HSD17B7: variants seen among roughly 807,000 people sequenced by gnomAD.
HSD17B7 encodes the protein 3-keto-steroid reductase/17-beta-hydroxysteroid dehydrogenase 7.
Under a neutral mutation model 34.1 loss-of-function variants are expected in HSD17B7, and 17 were observed. The observed-to-expected ratio is 0.50, with a 90% CI of 0.34 to 0.75. The LOEUF (loss-of-function observed/expected upper bound fraction) is 0.75, where lower values mean the gene tolerates loss of function less well. Ranked by LOEUF, HSD17B7 falls within the 30% of genes least tolerant of loss-of-function variation. The probability of loss-of-function intolerance (pLI) is 0.01; values close to 1 mark genes in which losing one functional copy is unlikely to be tolerated. For synonymous variants in HSD17B7, 122 were observed against 154.6 expected (o/e 0.79, Z 1.56); for missense variants, 296 against 406.6 (o/e 0.73, Z 2.34).
At chr1:162,807,678 A>G (rs1220876418) in intron 8 of HSD17B7, among the ~76,000 whole-genome samples, 1 of 152,114 alleles carries the variant, frequency 6.6e-6, no homozygotes, top group Non-Finnish European at 1.5e-5. Flanking sequence ...AACTGGTGTG[A>G]GATGGTATCT....
At chr1:162,795,225 A>G (rs894212127) in intron 2 of HSD17B7, among the ~76,000 whole-genome samples, 5 of 152,202 alleles carry the variant, frequency 3.3e-5, no homozygotes, top group African/African-American at 1.2e-4. Context: ...GAGCTTGAGA[A>G]TCCCTTCTAA....
intron 2 of HSD17B7, 55 bp downstream of exon 2, chr1:162,792,917 TAATA>T: frequency 6.5e-7 from 1 of 1,548,350 alleles, no homozygotes. Flanking sequence ...GCATAACACT[TAATA>T]AAATAAGAGA....
At chr1:162,812,245 C>G in intron 8 of HSD17B7, 53 bp from the exon 9 acceptor site, 2 of 1,578,570 alleles carry the variant, frequency 1.3e-6, no homozygotes, top group Non-Finnish European at 1.7e-6. Flanking sequence ...TATACAAATA[C>G]TATTCATCTT....
intron 2 of HSD17B7, 187 bp downstream of exon 2, chr1:162,793,049 A>G (rs1245986531): frequency 4.1e-6 from 1 of 246,742 alleles, no homozygotes; most frequent in South Asian, 2.9e-5. Flanking sequence ...TTTTTTTTTT[A>G]AAGAGATGGA....
At chr1:162,799,525 C>G (rs1367330223) in intron 4 of HSD17B7, 1 of 421,076 alleles carries the variant, frequency 2.4e-6, no homozygotes, top group African/African-American at 2.0e-5. Context: ...TAAACCCTCT[C>G]TGCTGATAGA....
At position 162,798,185 on chromosome 1, in the gene HSD17B7, C is replaced by T. The variant is rs541487131; in HGVS notation, c.447+269C>T. On this transcript the variant is annotated intron_variant, in intron 4 of 8. Coordinates refer to ENST00000254521, the MANE Select transcript of HSD17B7 (RefSeq NM_016371.4). ...CAGAGACTTTCTGTATGCCCTACAC[C>T]CAGTTTCCCCATTATTAACATTTCG... 6 of 487,678 alleles carry T rather than the reference C, an allele frequency of 1.2e-5. No individual in the cohort carries two copies. In the South Asian group the frequency reaches 2.9e-4, roughly 23 times the overall value. The allele number at this position is 487,678 out of a possible 1,614,324, so 30.2% of individuals were successfully genotyped here. A position where few individuals can be genotyped will look rare whatever the true frequency, so the allele number is the denominator to read the frequency against.
chr1:162,801,819 C>CT (rs1648825765), intron 5 of HSD17B7, among the ~76,000 whole-genome samples: 1 of 152,102 alleles, frequency 6.6e-6, no homozygotes, highest in Admixed American at 6.5e-5. Context: ...TCCTGATACT[C>CT]TGAGAACTCC....
intron 1 of HSD17B7, 167 bp from the exon 2 acceptor site, chr1:162,792,492 A>C: frequency 3.8e-6 from 3 of 785,150 alleles, no homozygotes; most frequent in Non-Finnish European, 5.9e-6. Flanking sequence ...GCAAGTGACT[A>C]TTGGAGTGTA....
At chr1:162,796,046 A>G (rs1258159547) in intron 2 of HSD17B7, among the ~76,000 whole-genome samples, 2 of 152,184 alleles carry the variant, frequency 1.3e-5, no homozygotes, top group African/African-American at 2.4e-5. Flanking sequence ...GGACTTGTCC[A>G]TGAACACTGA....
At chr1:162,806,214 T>C (rs116114832) in intron 8 of HSD17B7, among the ~76,000 whole-genome samples, 1,856 of 152,284 alleles carry the variant, frequency 0.012, 28 homozygotes, top group African/African-American at 0.042. Flanking sequence ...TTTCAGCCCC[T>C]GATTTTCCAC....
chr1:162,810,667 T>C (rs1285333953), intron 8 of HSD17B7, among the ~76,000 whole-genome samples: 1 of 151,990 alleles, frequency 6.6e-6, no homozygotes, highest in Non-Finnish European at 1.5e-5. Flanking sequence ...AGATAGTTAG[T>C]TCTTCTTGTT....
At chr1:162,806,088 T>C (rs1648973183) in intron 8 of HSD17B7, among the ~76,000 whole-genome samples, 1 of 152,210 alleles carries the variant, frequency 6.6e-6, no homozygotes, top group Non-Finnish European at 1.5e-5. Context: ...CTGTGTTTTT[T>C]AGACTTGGTA....
At position 162,796,638 on chromosome 1, in the gene HSD17B7, A is replaced by G. The variant is rs1289944497; in HGVS notation, c.293A>G (p.Gln98Arg). The G allele has an allele frequency of 6.2e-6, 10 of 1,612,518 alleles. No homozygotes were observed. The highest frequency in any genetic ancestry group is 8.5e-6 in the Non-Finnish European group (10 of 1,178,668). Residue 98 changes from glutamine (Q) to arginine (R), a missense_variant, in exon 3 of 9, where the codon CAA (glutamine) becomes CGA (arginine). Transcript: ENST00000254521. ...AATGCTGGGATCATGCCTAATCCAC[A>G]ACTAAATATCAAAGCACTTTTCTTT... ...YLNAGIMPNP[Q>R]LNIKALFFGL...
intron 1 of HSD17B7, among the ~76,000 whole-genome samples, chr1:162,791,884 T>G (rs1648421422): frequency 6.6e-6 from 1 of 152,200 alleles, no homozygotes; most frequent in Admixed American, 6.5e-5. Flanking sequence ...ATTAACATAT[T>G]TGCCTGGAAT....
At position 162,804,303 on chromosome 1, in the gene HSD17B7, T is replaced by C. The variant is rs1259326843; in HGVS notation, c.784T>C (p.Tyr262His). The C allele has an allele frequency of 1.2e-6, 2 of 1,605,806 alleles. No homozygotes were observed. ...FFANAFTLTP[Y>H]NGTEALVWLF... is the part of the protein sequence containing the mutation. ...TGCAAATGCATTCACTTTGACACCA[T>C]ATAATGGAACAGAAGCTCTGGTATG... Residue 262 changes from tyrosine (Y) to histidine (H), a missense_variant, in exon 7 of 9, where the codon TAT becomes CAT. Physicochemically the swap from Tyr to His is moderately conservative, Grantham distance 83. Transcript: ENST00000254521.
At chr1:162,802,798 A>C (rs2490876) in intron 5 of HSD17B7, 5 of 152,258 alleles carry the variant, frequency 3.3e-5, no homozygotes, top group Non-Finnish European at 7.3e-5. Flanking sequence ...TTGTATTAAC[A>C]TAAGCTCTGT....
intron 2 of HSD17B7, among the ~76,000 whole-genome samples, chr1:162,795,863 TCTTAGATGAAGAC>T (rs1648589050): frequency 1.3e-5 from 2 of 149,966 alleles, no homozygotes; most frequent in African/African-American, 2.4e-5. Context: ...AGATGAAGAG[TCTTAGATGAAGAC>T]TTACATAGGT....
At chr1:162,805,684 C>G (rs993333068) in intron 8 of HSD17B7, among the ~76,000 whole-genome samples, 192 bp downstream of exon 8, 3 of 152,224 alleles carry the variant, frequency 2.0e-5, no homozygotes, top group Non-Finnish European at 4.4e-5. Flanking sequence ...CCGACTTGAG[C>G]TGCTCTCAGC....
In HSD17B7 at chr1:162,811,758, A is replaced by T. The variant is rs568117609; in HGVS notation, c.904-540A>T. Among the ~76,000 whole-genome samples, 21 of 152,336 alleles carry T rather than the reference A, an allele frequency of 1.4e-4. No individual in the cohort carries two copies. In the South Asian group the frequency reaches 3.9e-3, roughly 29 times the overall value. ...CGAGAGTGGTATGGAAGAAGGGAAG[A>T]AAAAAGGGATGCTTTATTTCTCTTG... On this transcript the variant is annotated intron_variant, in intron 8 of 8. Coordinates refer to ENST00000254521, the MANE Select transcript of HSD17B7 (RefSeq NM_016371.4).
Sources: gnomAD v4.1 joint callset for allele counts (sites outside exome capture counted in the v4.1 genomes callset) on GRCh38, gnomAD v4.1.1 for gene constraint, MANE v1.5 for transcripts, NCBI Gene and HGNC (gene_info 2026-07-23, HGNC 2026-07-21) for gene names.